NIBAN1: variants seen among roughly 807,000 people sequenced by gnomAD.
The protein encoded by NIBAN1 is niban apoptosis regulator 1.
Under a neutral mutation model 75.1 loss-of-function variants are expected in NIBAN1, and 81 were observed. The observed-to-expected ratio is 1.08, with a 90% CI of 0.90 to 1.30. The LOEUF (loss-of-function observed/expected upper bound fraction) is 1.30. Among genes scored for constraint, NIBAN1 ranks in the 50% most tolerant of loss-of-function variants. NIBAN1 has a pLI of 0.00. For synonymous variants in NIBAN1, 436 were observed against 424.8 expected, an observed-to-expected ratio of 1.03 and a Z score of -0.32; for missense variants, 1,133 against 1,128.1, an observed-to-expected ratio of 1.00 and a Z score of -0.06.
intron 12 of NIBAN1, among the ~76,000 whole-genome samples, chr1:184,802,439 G>A (rs1208970527): frequency 6.6e-6 from 1 of 152,132 alleles, no homozygotes; most frequent in African/African-American, 2.4e-5. Flanking sequence ...AACCCACCTA[G>A]CAGTGGACAC....
intron 5 of NIBAN1, among the ~76,000 whole-genome samples, chr1:184,851,840 CTTT>C (rs59746255): frequency 6.9e-5 from 10 of 143,894 alleles, no homozygotes; most frequent in Non-Finnish European, 7.6e-5. Flanking sequence ...GATCTAACGA[CTTT>C]TTTTTTTTTT....
chr1:184,951,768 C>T (rs187947082), intron 1 of NIBAN1, among the ~76,000 whole-genome samples: 3 of 152,036 alleles, frequency 2.0e-5, no homozygotes, highest in African/African-American at 7.2e-5. Flanking sequence ...CTCGAAACTC[C>T]CCATGGCTTC....
At chr1:184,833,929 T>G (rs771575709) in intron 5 of NIBAN1, among the ~76,000 whole-genome samples, 1 of 151,992 alleles carries the variant, frequency 6.6e-6, no homozygotes, top group Non-Finnish European at 1.5e-5. Context: ...TACATAGGTA[T>G]ACATGTGCCA....
At chr1:184,853,340 T>C (rs1655594068) in intron 5 of NIBAN1, among the ~76,000 whole-genome samples, 1 of 152,224 alleles carries the variant, frequency 6.6e-6, no homozygotes, top group Non-Finnish European at 1.5e-5. Context: ...ATACCCTTTG[T>C]ATAAATCAAG....
At chr1:184,808,727 C>T (rs970396452) in intron 9 of NIBAN1, among the ~76,000 whole-genome samples, 3 of 152,114 alleles carry the variant, frequency 2.0e-5, no homozygotes, top group Admixed American at 1.3e-4. Flanking sequence ...TCTGCCAGGG[C>T]CCACAGGGCT....
Position 184,884,765 on chromosome 1 carries a change from C to T in NIBAN1, c.469G>A (p.Val157Ile), listed in dbSNP as rs1656474565. 1.2e-6 allele frequency: 2 copies of T among 1,614,140 alleles called. No individual in the cohort carries two copies. The highest frequency in any genetic ancestry group is 1.3e-5 in the African/African-American group (1 of 75,042). The part of the protein sequence containing the change: ...SEKENTQPFV[V>I]LPKEFPVYLW... ...TACACTGGGAATTCCTTGGGCAGGA[C>T]CACAAAGGGCTGAGTGTTCTCCTTC... The change falls in exon 5 of 14, where the codon GTC becomes ATC. Residue 157 changes from valine (V) to isoleucine (I), a missense_variant. Val to Ile is a conservative substitution (Grantham distance 29). Transcript: ENST00000367511.
At chr1:184,968,431 G>T (rs1393621748) in intron 1 of NIBAN1, among the ~76,000 whole-genome samples, 1 of 152,176 alleles carries the variant, frequency 6.6e-6, no homozygotes, top group African/African-American at 2.4e-5. Context: ...TGGCATGCTT[G>T]AAGGCATTTT....
intron 3 of NIBAN1, among the ~76,000 whole-genome samples, chr1:184,892,624 C>T (rs555129383): frequency 6.6e-6 from 1 of 152,206 alleles, no homozygotes; most frequent in South Asian, 2.1e-4. Context: ...TGAGCTTTGC[C>T]TGGTAGCCTG....
At chr1:184,808,612 T>A (rs1482514589) in intron 9 of NIBAN1, among the ~76,000 whole-genome samples, 2 of 152,144 alleles carry the variant, frequency 1.3e-5, no homozygotes, top group East Asian at 3.9e-4. Flanking sequence ...CAAAATCTTC[T>A]TTAGTGAGTG....
chr1:184,895,640 T>C (rs1028905653), intron 2 of NIBAN1, among the ~76,000 whole-genome samples: 2 of 152,160 alleles, frequency 1.3e-5, no homozygotes, highest in Admixed American at 1.3e-4. Flanking sequence ...GGGACTGGGC[T>C]CCTAGTGTAC....
intron 6 of NIBAN1, among the ~76,000 whole-genome samples, chr1:184,829,684 T>G (rs113054934): frequency 7.2e-5 from 11 of 152,130 alleles, no homozygotes; most frequent in African/African-American, 2.4e-4. Context: ...GCCAGGCTGG[T>G]CTCGAACTCC....
chr1:184,957,698 G>A (rs1658525646), intron 1 of NIBAN1, among the ~76,000 whole-genome samples: 1 of 152,074 alleles, frequency 6.6e-6, no homozygotes, highest in African/African-American at 2.4e-5. Flanking sequence ...TTTTCTCACT[G>A]GGCATTACTA....
intron 4 of NIBAN1, chr1:184,888,101 A>G (rs1191161276): frequency 6.6e-6 from 1 of 152,122 alleles, no homozygotes; most frequent in Admixed American, 6.6e-5. Context: ...AGGTGGGAGG[A>G]TTACTTGAGC....
At chr1:184,806,181 G>C in intron 10 of NIBAN1, 125 bp from the exon 11 acceptor site, 1 of 671,828 alleles carries the variant, frequency 1.5e-6, no homozygotes, top group Admixed American at 2.8e-5. Context: ...CTGCTATTCG[G>C]TGGGGGTACC....
intron 1 of NIBAN1, among the ~76,000 whole-genome samples, chr1:184,945,513 A>C (rs1658198194): frequency 6.6e-6 from 1 of 152,216 alleles, no homozygotes; most frequent in Admixed American, 6.5e-5. Context: ...ACTGAAAATT[A>C]TAGATGATGC....
rs1653737363 is a variant in NIBAN1, at chr1:184,792,980, A to G, written c.*1997T>C. ...TGCAGAAAGCAGAGACTGGGGGAGA[A>G]GTGGTCTTTACTTCCTTCACCTGTG... On this transcript the variant is annotated 3_prime_UTR_variant, in exon 14 of 14. Coordinates refer to ENST00000367511, the MANE Select transcript of NIBAN1 (RefSeq NM_052966.4). 1 of 152,266 alleles carries G rather than the reference A, an allele frequency of 6.6e-6. No individual in the cohort carries two copies. The highest frequency in any genetic ancestry group is 2.4e-5 in the African/African-American group (1 of 41,472). The allele number at this position is 152,266 out of a possible 1,614,324, so 9.4% of individuals were successfully genotyped here. A position where few individuals can be genotyped will look rare whatever the true frequency, so the allele number is the denominator to read the frequency against.
intron 9 of NIBAN1, 138 bp from the exon 10 acceptor site, chr1:184,808,373 G>A (rs1449289455): frequency 1.2e-6 from 1 of 842,714 alleles, no homozygotes; most frequent in Admixed American, 2.6e-5. Context: ...CTACATCTGT[G>A]ACACCTTCAA....
chr1:184,913,154 T>TATTATATATATATATATATTA (rs1553227228), intron 1 of NIBAN1, among the ~76,000 whole-genome samples: 1 of 146,650 alleles, frequency 6.8e-6, no homozygotes, highest in South Asian at 2.1e-4. Context: ...TATATATATA[T>TATTATATATATATATATATTA]TATATATATA....
chr1:184,838,128 T>A (rs1260777820), intron 5 of NIBAN1, among the ~76,000 whole-genome samples: 1 of 152,222 alleles, frequency 6.6e-6, no homozygotes, highest in Non-Finnish European at 1.5e-5. Context: ...TCTAGAGTTA[T>A]AAATCCTTAT....
Sources: allele counts gnomAD v4.1 joint callset (sites outside exome capture counted in the v4.1 genomes callset), GRCh38; gene constraint gnomAD v4.1.1; transcripts MANE v1.5; gene names NCBI Gene and HGNC (gene_info 2026-07-23, HGNC 2026-07-21).